RASSF3: variants seen among roughly 807,000 people sequenced by gnomAD.
RASSF3 encodes the protein ras association domain-containing protein 3.
Under a neutral mutation model 19.9 loss-of-function variants are expected in RASSF3, and 19 were observed. That is an observed-to-expected ratio of 0.96 (90% CI 0.67 to 1.40). The LOEUF (loss-of-function observed/expected upper bound fraction) is 1.40. RASSF3 is among the 40% of genes most tolerant of loss of function. The pLI is 0.00. For synonymous variants in RASSF3, 110 were observed against 104.2 expected, an observed-to-expected ratio of 1.06 and a Z score of -0.34; for missense variants, 306 against 289.8, an observed-to-expected ratio of 1.06 and a Z score of -0.41.
intron 1 of RASSF3, among the ~76,000 whole-genome samples, chr12:64,523,946 G>T (rs1311973040): frequency 6.6e-6 from 1 of 151,968 alleles, no homozygotes; most frequent in Non-Finnish European, 1.5e-5. Flanking sequence ...CAGTTCCTGA[G>T]CTCATCGGGG....
At chr12:64,615,141 A>G (rs1565850439) in intron 1 of RASSF3, among the ~76,000 whole-genome samples, 1 of 152,216 alleles carries the variant, frequency 6.6e-6, no homozygotes, top group Non-Finnish European at 1.5e-5. Flanking sequence ...AAAAATGTGG[A>G]CAGTTGTGTA....
intron 2 of RASSF3, among the ~76,000 whole-genome samples, chr12:64,561,417 G>A (rs984798481): frequency 2.2e-4 from 34 of 152,116 alleles, no homozygotes; most frequent in African/African-American, 2.7e-4. Flanking sequence ...ACGCATTGCC[G>A]CACATTTGGC....
chr12:64,610,681 T>C lies in RASSF3; in HGVS notation c.49T>C (p.Phe17Leu). 2 of 1,594,724 alleles carry C rather than the reference T, an allele frequency of 1.3e-6. No homozygotes were observed. Among genetic ancestry groups the C allele is most frequent in the South Asian group, 1.1e-5 (1 of 89,222 alleles). The change falls in exon 1 of 5, where the codon TTC becomes CTC. Residue 17 changes from phenylalanine to leucine, a missense_variant. By Grantham distance (22) the Phe-to-Leu change is conservative. Coordinates refer to ENST00000542104, the MANE Select transcript of RASSF3 (RefSeq NM_178169.4). ...SLEEDAEDFF[F>L]TARTSFFRRA... ...GGAGGAGGACGCCGAGGACTTCTTC[T>C]TCACCGCCAGGACCTCCTTCTTCAG...
chr12:64,609,152 T>C (rs539377384), upstream of RASSF3, among the ~76,000 whole-genome samples: 91 of 152,238 alleles, frequency 6.0e-4, 2 homozygotes, highest in South Asian at 0.01. Flanking sequence ...GGTCCAACTC[T>C]TCCTCCTGTA....
chr12:64,534,436 A>G (rs1868779131), intron 1 of RASSF3, among the ~76,000 whole-genome samples: 1 of 152,222 alleles, frequency 6.6e-6, no homozygotes, highest in African/African-American at 2.4e-5. Context: ...TTGAGGCTGC[A>G]GTGAGCTATG....
At chr12:64,680,299 C>CTTA (rs941960430) in intron 1 of RASSF3, among the ~76,000 whole-genome samples, 1 of 152,056 alleles carries the variant, frequency 6.6e-6, no homozygotes, top group Admixed American at 6.6e-5. Context: ...AAGGCCTGAG[C>CTTA]TTATATCTTC....
chr12:64,674,118 G>C (rs2136209533), intron 1 of RASSF3, among the ~76,000 whole-genome samples: 1 of 152,272 alleles, frequency 6.6e-6, no homozygotes, highest in South Asian at 2.1e-4. Flanking sequence ...GTGTGTGAGA[G>C]TATTTAGGGG....
chr12:64,674,375 A>C lies in RASSF3; in HGVS notation c.112-10412A>C, dbSNP rs112338503. Among the ~76,000 whole-genome samples, 1,140 of 152,294 alleles carry C rather than the reference A, an allele frequency of 7.5e-3. 21 individuals are homozygous for C. Among genetic ancestry groups the C allele is most frequent in the African/African-American group, 0.026 (1,086 of 41,554 alleles). ...CTGAACAGGAATGGAGCCCTCTTCT[A>C]TATCCAACACTAAGGTAGTTCCAGC... On this transcript the variant is annotated intron_variant, in intron 1 of 4. Coordinates refer to ENST00000542104, the MANE Select transcript of RASSF3 (RefSeq NM_178169.4).
At chr12:64,661,491 AG>A (rs1476956252) in intron 1 of RASSF3, among the ~76,000 whole-genome samples, 1 of 151,986 alleles carries the variant, frequency 6.6e-6, no homozygotes, top group Admixed American at 6.6e-5. Context: ...TCTAAAAAAA[AG>A]GGGCGCAGGG....
chr12:64,692,935 G>A (rs1271350226), intron 4 of RASSF3, among the ~76,000 whole-genome samples: 1 of 152,026 alleles, frequency 6.6e-6, no homozygotes, highest in African/African-American at 2.4e-5. Flanking sequence ...CTGCTGTACT[G>A]GACCTCTGTA....
intron 1 of RASSF3, among the ~76,000 whole-genome samples, chr12:64,656,490 A>G (rs1444582168): frequency 6.6e-6 from 1 of 152,192 alleles, no homozygotes; most frequent in African/African-American, 2.4e-5. Flanking sequence ...TGCAGTGCTG[A>G]AAAGATTCCA....
chr12:64,604,649 T>A (rs1361701245), intron 2 of RASSF3, among the ~76,000 whole-genome samples: 2 of 151,986 alleles, frequency 1.3e-5, no homozygotes, highest in African/African-American at 2.4e-5. Context: ...TTTTTTTTTT[T>A]TCTTTTGAGA....
At chr12:64,572,061 C>T (rs73317557) in intron 2 of RASSF3, among the ~76,000 whole-genome samples, 155 of 152,274 alleles carry the variant, frequency 1.0e-3, no homozygotes, top group African/African-American at 3.5e-3. Context: ...CCTCCCATGG[C>T]TTCATGAACT....
At chr12:64,658,573 G>A (rs1233923223) in intron 1 of RASSF3, among the ~76,000 whole-genome samples, 2 of 152,124 alleles carry the variant, frequency 1.3e-5, no homozygotes, top group South Asian at 2.1e-4. Flanking sequence ...AGGCTGAGGC[G>A]GGCGGATCGC....
At chr12:64,687,190 C>T (rs990999789) in intron 2 of RASSF3, among the ~76,000 whole-genome samples, 34 of 151,922 alleles carry the variant, frequency 2.2e-4, no homozygotes, top group African/African-American at 7.5e-4. Flanking sequence ...TTAGTAGAGA[C>T]GGGATTTCAC....
chr12:64,668,207 TCACTCAGC>T lies in RASSF3; in HGVS notation c.112-16577_112-16570del, dbSNP rs537346854. On this transcript the variant is annotated intron_variant, in intron 1 of 4. Transcript: ENST00000542104. ...GCACTCAGAATCAGCAATGTAAATA[TCACTCAGC>T]CAGCCTGGGGCACTTTCCTCTATCA... Among the ~76,000 whole-genome samples the T allele has an allele frequency of 9.5e-4, 144 of 152,170 alleles. 1 individual carries two copies. The highest frequency in any genetic ancestry group is 3.4e-3 in the African/African-American group (140 of 41,528).
At chr12:64,612,098 T>C (rs1870388050) in intron 1 of RASSF3, among the ~76,000 whole-genome samples, 1 of 152,142 alleles carries the variant, frequency 6.6e-6, no homozygotes, top group South Asian at 2.1e-4. Flanking sequence ...GAGCATGAGA[T>C]TGCTGTGAAG....
chr12:64,684,964 C>T, intron 2 of RASSF3, 70 bp downstream of exon 2: 6 of 880,704 alleles, frequency 6.8e-6, no homozygotes, highest in Non-Finnish European at 1.1e-5. Context: ...GTACTACAAT[C>T]TATAGTTCTA....
chr12:64,605,581 C>T (rs1419414476), upstream of RASSF3, among the ~76,000 whole-genome samples: 2 of 152,050 alleles, frequency 1.3e-5, no homozygotes, highest in Non-Finnish European at 2.9e-5. Context: ...CAGGTCAACT[C>T]AACTGGCTTA....
Sources: allele counts gnomAD v4.1 joint callset (sites outside exome capture counted in the v4.1 genomes callset), GRCh38; gene constraint gnomAD v4.1.1; transcripts MANE v1.5; gene names NCBI Gene and HGNC (gene_info 2026-07-23, HGNC 2026-07-21).